The following CCR3 variants were observed in gnomAD, a reference collection of about 807,000 sequenced individuals.
The protein encoded by CCR3 is C-C chemokine receptor type 3.
For missense variants in CCR3, 419 were observed against 437.5 expected (o/e 0.96, Z 0.38); for synonymous variants, 203 against 179.2 (o/e 1.13, Z -1.06).
At chr3:46,243,637 T>C (rs1368819234) in intron 1 of CCR3, among the ~76,000 whole-genome samples, 2 of 152,176 alleles carry the variant, frequency 1.3e-5, no homozygotes, top group Non-Finnish European at 2.9e-5. Flanking sequence ...TAAGGGGTCT[T>C]CCACATGGAT....
intron 1 of CCR3, 28 bp downstream of exon 1, chr3:46,242,566 AG>A (rs1700102159): frequency 6.6e-6 from 1 of 151,980 alleles, no homozygotes; most frequent in Admixed American, 6.6e-5. Flanking sequence ...AGGAAAAGGG[AG>A]GTGGAACAAG....
Position 46,265,429 on chromosome 3 carries a change from A to T in CCR3, c.271A>T (p.Ile91Phe). 2 of 1,614,132 alleles carry T rather than the reference A, an allele frequency of 1.2e-6. No individual in the cohort carries two copies. The highest frequency in any genetic ancestry group is 1.7e-6 in the Non-Finnish European group (2 of 1,180,018). ...LLFLVTLPFW[I>F]HYVRGHNWVF... ...CTTCCTCGTCACCCTTCCATTCTGG[A>T]TCCACTATGTCAGGGGGCATAACTG... The change falls in exon 2 of 2, where the codon ATC becomes TTC. Residue 91 changes from isoleucine to phenylalanine, a missense_variant. Transcript: ENST00000395940.
At chr3:46,262,072 C>T (rs1236369771) in intron 1 of CCR3, among the ~76,000 whole-genome samples, 1 of 152,200 alleles carries the variant, frequency 6.6e-6, no homozygotes, top group Non-Finnish European at 1.5e-5. Flanking sequence ...CCCCATGTCT[C>T]AAGTTGTAGT....
chr3:46,242,992 T>TATAG (rs1700118407), intron 1 of CCR3, among the ~76,000 whole-genome samples: 1 of 118,382 alleles, frequency 8.4e-6, no homozygotes, highest in African/African-American at 3.8e-5. Context: ...CATATATATA[T>TATAG]ATATATATAT....
intron 2 of CCR3, among the ~76,000 whole-genome samples, chr3:46,211,314 T>G (rs1434242269): frequency 6.6e-6 from 1 of 151,106 alleles, no homozygotes; most frequent in East Asian, 1.9e-4. Context: ...TCCTCCCACT[T>G]CAGTCTCCTA....
intron 2 of CCR3, among the ~76,000 whole-genome samples, chr3:46,226,576 G>A (rs1314914952): frequency 1.3e-5 from 2 of 152,048 alleles, no homozygotes; most frequent in African/African-American, 2.4e-5. Flanking sequence ...TATGTAGACC[G>A]CTATGTCTTT....
intron 2 of CCR3, among the ~76,000 whole-genome samples, chr3:46,236,595 G>T (rs1700027320): frequency 6.6e-6 from 1 of 152,252 alleles, no homozygotes; most frequent in African/African-American, 2.4e-5. Context: ...CAGACCAGAG[G>T]CTTCCAGTTC....
intron 2 of CCR3, among the ~76,000 whole-genome samples, chr3:46,230,113 CAAAAAA>C (rs1394739964): frequency 6.6e-6 from 1 of 151,792 alleles, no homozygotes; most frequent in Non-Finnish European, 1.5e-5. Flanking sequence ...CAGCTGGAAG[CAAAAAA>C]CATGGAAACA....
At chr3:46,247,817 T>C (rs1373484163) in intron 1 of CCR3, among the ~76,000 whole-genome samples, 1 of 152,130 alleles carries the variant, frequency 6.6e-6, no homozygotes, top group African/African-American at 2.4e-5. Context: ...TTGCCAGTCC[T>C]GGGCAGGGGC....
chr3:46,223,048 T>G (rs888479948), intron 2 of CCR3, among the ~76,000 whole-genome samples: 2 of 152,226 alleles, frequency 1.3e-5, no homozygotes, highest in African/African-American at 4.8e-5. Context: ...CAGTCTTGCA[T>G]GCCAAGTTTT....
In CCR3 at chr3:46,266,202, G is replaced by A; in HGVS notation, c.1044G>A (p.Glu348=). ...GCTCTGTCTCTCCATCCACAGCAGA[G>A]CCGGAACTCTCTATTGTGTTTTAGG... ...RTSSVSPSTA[E]PELSIVF Residue 348 remains glutamate (E), a synonymous_variant, in exon 2 of 2, where the codon GAG becomes GAA. Transcript: ENST00000395940. The A allele has an allele frequency of 6.2e-7, 1 of 1,612,914 alleles. No individual in the cohort carries two copies. The highest frequency in any genetic ancestry group is 1.7e-4 in the Middle Eastern group (1 of 6,050).
At chr3:46,213,607 A>G (rs764170258) in intron 2 of CCR3, among the ~76,000 whole-genome samples, 2 of 152,162 alleles carry the variant, frequency 1.3e-5, no homozygotes, top group Admixed American at 6.5e-5. Flanking sequence ...AGTTTCTTGA[A>G]CTTCATCCCT....
intron 2 of CCR3, among the ~76,000 whole-genome samples, chr3:46,224,736 A>C (rs1226792280): frequency 9.7e-5 from 13 of 134,334 alleles, no homozygotes; most frequent in Non-Finnish European, 1.4e-4. Context: ...GACTCTGTCA[A>C]AAAAAAAAAA....
chr3:46,264,550 G>A, intron 1 of CCR3: 1 of 731,462 alleles, frequency 1.4e-6, no homozygotes, highest in South Asian at 1.7e-5. Context: ...TAAAGATCTA[G>A]CCCAAATTTT....
intron 1 of CCR3, chr3:46,264,616 T>A: frequency 1.9e-5 from 11 of 574,404 alleles, no homozygotes; most frequent in Non-Finnish European, 3.0e-5. Context: ...AAGGTTCAAT[T>A]TCCCCATTAA....
chr3:46,240,636 G>A (rs57509359), upstream of CCR3, among the ~76,000 whole-genome samples: 1 of 152,138 alleles, frequency 6.6e-6, no homozygotes, highest in African/African-American at 2.4e-5. Context: ...CACCCTGAGT[G>A]GCTGCCTCTT....
intron 1 of CCR3, among the ~76,000 whole-genome samples, chr3:46,250,843 G>T (rs1287288678): frequency 6.6e-6 from 1 of 151,766 alleles, no homozygotes; most frequent in Non-Finnish European, 1.5e-5. Context: ...GCGGGAAGGG[G>T]GGTTGGGGCA....
chr3:46,239,944 A>G (rs989495442), upstream of CCR3, among the ~76,000 whole-genome samples: 3 of 152,180 alleles, frequency 2.0e-5, no homozygotes, highest in African/African-American at 7.2e-5. Context: ...TAGCTCCCAC[A>G]TTTCCATGGA....
At chr3:46,245,977 A>G (rs1430531855) in intron 1 of CCR3, among the ~76,000 whole-genome samples, 3 of 152,174 alleles carry the variant, frequency 2.0e-5, no homozygotes, top group Non-Finnish European at 4.4e-5. Context: ...GATTTCATGC[A>G]AAGGCTATTA....
Sources: gnomAD v4.1 joint callset for allele counts (sites outside exome capture counted in the v4.1 genomes callset) on GRCh38, gnomAD v4.1.1 for gene constraint, MANE v1.5 for transcripts, NCBI Gene and HGNC (gene_info 2026-07-23, HGNC 2026-07-21) for gene names.